The following NOS1AP variants were observed in gnomAD, a reference collection of about 807,000 sequenced individuals.
NOS1AP encodes the protein nitric oxide synthase 1 adaptor protein.
Under a neutral mutation model 56.2 loss-of-function variants are expected in NOS1AP, and 21 were observed. The observed-to-expected ratio is 0.37, with a 90% confidence interval of 0.26 to 0.54. The LOEUF (loss-of-function observed/expected upper bound fraction) is 0.54, where lower values mean the gene tolerates loss of function less well. NOS1AP is among the 20% of genes least tolerant of loss of function. The pLI, the probability that NOS1AP is intolerant of heterozygous loss-of-function variation, is 0.84. For synonymous variants in NOS1AP, 270 were observed against 274.6 expected (o/e 0.98, Z 0.17); for missense variants, 522 against 657.8 (o/e 0.79, Z 2.26).
rs983113852 is a variant in NOS1AP at position 162,069,978 on chromosome 1, C to G, written c.-200C>G. ...CGACCACAGCGCCGCTCGCGTCGCC[C>G]GCATCAGCTCAGCCCGCTGCCGCTC... On this transcript the variant is annotated 5_prime_UTR_variant, in exon 1 of 10. Transcript: ENST00000361897. 3.4e-6 allele frequency: 1 copy of G among 295,950 alleles called. No homozygotes were observed. The highest frequency in any genetic ancestry group is 6.3e-6 in the Non-Finnish European group (1 of 158,812). 18.3% of individuals were successfully genotyped at this position (295,950 alleles called of 1,614,324 possible). A position where few individuals can be genotyped will look rare whatever the true frequency, so the allele number is the denominator to read the frequency against.
At chr1:162,320,505 T>A (rs1656376534) in intron 4 of NOS1AP, among the ~76,000 whole-genome samples, 1 of 152,172 alleles carries the variant, frequency 6.6e-6, no homozygotes. Flanking sequence ...GGTCCTTACA[T>A]GCTGCCTTCC....
intron 4 of NOS1AP, among the ~76,000 whole-genome samples, chr1:162,311,557 CTTCT>C (rs1185406291): frequency 1.3e-5 from 2 of 151,726 alleles, no homozygotes; most frequent in Non-Finnish European, 2.9e-5. Flanking sequence ...TTTCTCTCTC[CTTCT>C]TTCTTTCACC....
chr1:162,071,355 G>T (rs935859826), intron 1 of NOS1AP, among the ~76,000 whole-genome samples: 3 of 152,220 alleles, frequency 2.0e-5, no homozygotes, highest in Non-Finnish European at 4.4e-5. Flanking sequence ...CGTGCAGGCT[G>T]TTAGCATCTC....
intron 2 of NOS1AP, among the ~76,000 whole-genome samples, chr1:162,155,853 G>T (rs1649951631): frequency 6.6e-6 from 1 of 152,174 alleles, no homozygotes; most frequent in African/African-American, 2.4e-5. Context: ...ATTAGAGATG[G>T]CATGATTGGT....
At chr1:162,278,349 G>A (rs565581635) in intron 2 of NOS1AP, among the ~76,000 whole-genome samples, 23 of 152,326 alleles carry the variant, frequency 1.5e-4, no homozygotes, top group South Asian at 1.0e-3. Flanking sequence ...TCAAGGTCAC[G>A]TAGCTAAGAA....
At chr1:162,328,578 T>C (rs999257630) in intron 4 of NOS1AP, among the ~76,000 whole-genome samples, 2 of 152,144 alleles carry the variant, frequency 1.3e-5, no homozygotes, top group Non-Finnish European at 2.9e-5. Context: ...CTTACTAGCA[T>C]GAGTGAGGTA....
At chr1:162,316,631 G>A (rs190948103) in intron 4 of NOS1AP, among the ~76,000 whole-genome samples, 61 of 152,340 alleles carry the variant, frequency 4.0e-4, no homozygotes, top group African/African-American at 1.4e-3. Flanking sequence ...CCAAAAGAGA[G>A]TCAGCAAAGG....
intron 2 of NOS1AP, among the ~76,000 whole-genome samples, chr1:162,194,043 C>T (rs1476832804): frequency 2.6e-5 from 4 of 152,146 alleles, no homozygotes; most frequent in Non-Finnish European, 5.9e-5. Flanking sequence ...CAACAAGTGT[C>T]AGATATACAC....
intron 4 of NOS1AP, among the ~76,000 whole-genome samples, chr1:162,321,726 A>G (rs1571217400): frequency 7.4e-6 from 1 of 134,558 alleles, no homozygotes; most frequent in Admixed American, 7.1e-5. Context: ...AATTAAAAAA[A>G]AAAAAATATA....
At chr1:162,193,567 G>T (rs190869936) in intron 2 of NOS1AP, among the ~76,000 whole-genome samples, 2 of 152,048 alleles carry the variant, frequency 1.3e-5, no homozygotes, top group Non-Finnish European at 2.9e-5. Flanking sequence ...CTTCCTTTTC[G>T]CCTTGACCAT....
At chr1:162,163,419 C>T (rs1484358690) in intron 2 of NOS1AP, among the ~76,000 whole-genome samples, 1 of 152,048 alleles carries the variant, frequency 6.6e-6, no homozygotes, top group African/African-American at 2.4e-5. Context: ...TTTCCCCACT[C>T]ATTTGAAAAA....
At chr1:162,110,885 T>C (rs1382818273) in intron 1 of NOS1AP, among the ~76,000 whole-genome samples, 1 of 152,260 alleles carries the variant, frequency 6.6e-6, no homozygotes, top group Non-Finnish European at 1.5e-5. Context: ...AGGATTTGAA[T>C]CCAGGACTGT....
intron 2 of NOS1AP, among the ~76,000 whole-genome samples, chr1:162,213,722 C>T (rs575384130): frequency 1.4e-4 from 21 of 152,164 alleles, no homozygotes; most frequent in African/African-American, 4.6e-4. Flanking sequence ...CCTGTGCCTG[C>T]GGATTTTACT....
intron 1 of NOS1AP, among the ~76,000 whole-genome samples, chr1:162,079,650 A>G (rs965035921): frequency 6.6e-6 from 1 of 152,222 alleles, no homozygotes; most frequent in Non-Finnish European, 1.5e-5. Flanking sequence ...TTGAATCAGT[A>G]GTACCTGTAA....
intron 2 of NOS1AP, among the ~76,000 whole-genome samples, chr1:162,259,031 C>G (rs1331750860): frequency 2.0e-5 from 3 of 152,096 alleles, no homozygotes; most frequent in African/African-American, 7.2e-5. Context: ...ACCAGCCTCA[C>G]CATTGCTGAG....
At position 162,368,731 on chromosome 1, in the gene NOS1AP, A is replaced by C. The variant is rs1009678240; in HGVS notation, c.*1264A>C. The C allele has an allele frequency of 6.6e-6, 1 of 152,244 alleles. No individual in the cohort carries two copies. 9.4% of individuals were successfully genotyped at this position (152,244 alleles called of 1,614,324 possible). On this transcript the variant is annotated 3_prime_UTR_variant, in exon 10 of 10. Coordinates refer to ENST00000361897, the MANE Select transcript of NOS1AP (RefSeq NM_014697.3). ...GCTCCTTTGCTCCTGTAAGGCCATA[A>C]GTGGCTGTTAACAGATTTTCAAATG... is the stretch of plus-strand genomic sequence containing the variant.
chr1:162,364,130 C>A, intron 8 of NOS1AP: 2 of 985,396 alleles, frequency 2.0e-6, no homozygotes, highest in Non-Finnish European at 1.2e-6. Context: ...CTCTTTGGAG[C>A]AAACTCCTCT....
chr1:162,158,964 A>G (rs1650084046), intron 2 of NOS1AP, among the ~76,000 whole-genome samples: 1 of 152,226 alleles, frequency 6.6e-6, no homozygotes. Flanking sequence ...GCTTAGAACA[A>G]TTCACAAAGT....
intron 2 of NOS1AP, among the ~76,000 whole-genome samples, chr1:162,178,851 A>G (rs1473301467): frequency 6.6e-6 from 1 of 152,180 alleles, no homozygotes; most frequent in African/African-American, 2.4e-5. Flanking sequence ...TTAGATTTAA[A>G]CTGTTTTCAT....
Sources: gnomAD v4.1 joint callset for allele counts (sites outside exome capture counted in the v4.1 genomes callset) on GRCh38, gnomAD v4.1.1 for gene constraint, MANE v1.5 for transcripts, NCBI Gene and HGNC (gene_info 2026-07-23, HGNC 2026-07-21) for gene names.